The following PFKL variants were observed in gnomAD, a reference collection of about 807,000 sequenced individuals.
The protein encoded by PFKL is ATP-dependent 6-phosphofructokinase, liver type.
PFKL carries 74 observed loss-of-function variants against 92.1 expected under a neutral mutation model. The observed-to-expected ratio is 0.80, with a 90% CI of 0.67 to 0.97. The LOEUF (loss-of-function observed/expected upper bound fraction) is 0.97. PFKL is among the 50% of genes least tolerant of loss of function. The probability of loss-of-function intolerance (pLI) is 0.00; values close to 1 mark genes in which losing one functional copy is unlikely to be tolerated. For missense variants in PFKL, 1,028 were observed against 1,116.6 expected, an observed-to-expected ratio of 0.92 and a Z score of 1.13; for synonymous variants, 494 against 456.4, an observed-to-expected ratio of 1.08 and a Z score of -1.05.
In PFKL at chr21:44,323,888, C is replaced by T; in HGVS notation, c.1620C>T (p.Gly540=). 1 of 1,613,560 alleles carries T rather than the reference C, an allele frequency of 6.2e-7. No individual in the cohort carries two copies. Among genetic ancestry groups the T allele is most frequent in the South Asian group, 1.1e-5 (1 of 91,088 alleles). Residue 540 remains glycine (G), a synonymous_variant, in exon 16 of 22, where the codon GGC becomes GGT. Transcript: ENST00000349048. ...TCCCTGGCACCGACTTCAGCCTGGG[C>T]TCCGACACTGCTGTAAATGCCGCCA... ...NNVPGTDFSL[G]SDTAVNAAME...
At chr21:44,325,115 C>A (rs776790065) in intron 18 of PFKL, 38 bp from the exon 19 acceptor site, 3 of 1,442,992 alleles carry the variant, frequency 2.1e-6, no homozygotes, top group Non-Finnish European at 2.9e-6. Flanking sequence ...GAGACCTGAA[C>A]TCGTTCCCGC....
At position 44,327,343 on chromosome 21, in the gene PFKL, CCT is replaced by C; in HGVS notation, c.*482_*483del. On this transcript the variant is annotated 3_prime_UTR_variant, in exon 22 of 22. Coordinates refer to ENST00000349048, the MANE Select transcript of PFKL (RefSeq NM_002626.6). Reference sequence around the variant, plus strand: ...TCACCTTTTCTAGAAATAAAATCACCCTGACTGTGGGGTGCATCGGTCTCCGG... The same window carrying C: ...TCACCTTTTCTAGAAATAAAATCACCGACTGTGGGGTGCATCGGTCTCCGG... The C allele has an allele frequency of 5.6e-6, 1 of 178,440 alleles. No homozygotes were observed. Among genetic ancestry groups the C allele is most frequent in the Non-Finnish European group, 1.2e-5 (1 of 82,322 alleles). 11.1% of individuals were successfully genotyped at this position (178,440 alleles called of 1,614,324 possible). A position where few individuals can be genotyped will look rare whatever the true frequency, so the allele number is the denominator to read the frequency against.
At chr21:44,317,008 G>T (rs1478893951) in intron 9 of PFKL, among the ~76,000 whole-genome samples, 1 of 152,198 alleles carries the variant, frequency 6.6e-6, no homozygotes, top group Non-Finnish European at 1.5e-5. Flanking sequence ...GGCGCCTGTG[G>T]CGTCACAGTC....
At chr21:44,309,843 T>A (rs2041064001) in intron 2 of PFKL, among the ~76,000 whole-genome samples, 1 of 152,158 alleles carries the variant, frequency 6.6e-6, no homozygotes, top group African/African-American at 2.4e-5. Context: ...GGGGCACCTG[T>A]CCCCCAGCCC....
In PFKL at chr21:44,324,583, C is replaced by T. The variant is rs752845163; in HGVS notation, c.1743C>T (p.Thr581=). The T allele has an allele frequency of 4.3e-6, 7 of 1,612,844 alleles. No individual in the cohort carries two copies. In the South Asian group the frequency reaches 4.4e-5, roughly 10 times the overall value. The stretch of plus-strand genomic sequence containing the variant: ...GGGGTTACTGTGGCTACCTGGCCAC[C>T]GTGACTGGCATTGCTGTGGGGGCCG... ...TMGGYCGYLA[T]VTGIAVGADA... The change falls in exon 17 of 22, where the codon ACC becomes ACT. Residue 581 remains threonine (T), a synonymous_variant. Transcript: ENST00000349048.
intron 1 of PFKL, among the ~76,000 whole-genome samples, chr21:44,301,702 C>T (rs566210638): frequency 1.2e-3 from 182 of 152,006 alleles, no homozygotes; most frequent in African/African-American, 4.3e-3. Context: ...GGGGCCAGCC[C>T]GCCTGCCCAC....
chr21:44,325,897 T>C (rs2047492958), intron 19 of PFKL, 64 bp from the exon 20 acceptor site: 1 of 1,230,534 alleles, frequency 8.1e-7, no homozygotes, highest in Non-Finnish European at 1.2e-6. Flanking sequence ...CTGTCTGCAC[T>C]GGCGTTGGCC....
chr21:44,315,956 G>T (rs747122762), intron 7 of PFKL: 19 of 464,078 alleles, frequency 4.1e-5, no homozygotes, highest in Middle Eastern at 1.2e-3. Context: ...AGCTGTGTGT[G>T]TGCTGGGCCC....
At chr21:44,314,670 G>A (rs184969606) in intron 7 of PFKL, 111 of 153,212 alleles carry the variant, frequency 7.2e-4, no homozygotes, top group Admixed American at 3.1e-3. Context: ...TTGGGGTGGA[G>A]TTGGGGGCTC....
Position 44,324,088 on chromosome 21 carries a change from C to T in PFKL, c.1650+170C>T, listed in dbSNP as rs532198809. Reference sequence around the variant, plus strand: ...GAAGGGGCTCAGCTCCCTGCCATAGCCACTTCCAGGTCCAGGGGGGCCCTG... The same window carrying T: ...GAAGGGGCTCAGCTCCCTGCCATAGTCACTTCCAGGTCCAGGGGGGCCCTG... On this transcript the variant is annotated intron_variant, in intron 16 of 21. Transcript: ENST00000349048. Among the ~76,000 whole-genome samples, 512 of 152,228 alleles carry T rather than the reference C, an allele frequency of 3.4e-3. 4 individuals are homozygous for T. Among genetic ancestry groups the T allele is most frequent in the African/African-American group, 0.012 (492 of 41,550 alleles).
intron 11 of PFKL, 34 bp from the exon 12 acceptor site, chr21:44,320,050 G>C: frequency 6.2e-7 from 1 of 1,600,500 alleles, no homozygotes; most frequent in Non-Finnish European, 8.6e-7. Flanking sequence ...TGGCGCTGCA[G>C]GGCTGTGCAT....
intron 9 of PFKL, among the ~76,000 whole-genome samples, chr21:44,317,622 C>T (rs919547887): frequency 3.3e-5 from 5 of 152,198 alleles, no homozygotes; most frequent in African/African-American, 9.7e-5. Context: ...GACAGTTGAT[C>T]GCCCCTAGCC....
chr21:44,324,709 C>A, intron 17 of PFKL, 54 bp downstream of exon 17: 2 of 1,560,052 alleles, frequency 1.3e-6, no homozygotes, highest in Non-Finnish European at 8.7e-7. Flanking sequence ...CCAGCCTGGG[C>A]CCCAGACACT....
chr21:44,322,252 T>C (rs775257480), intron 14 of PFKL, 49 bp downstream of exon 14: 10 of 1,532,098 alleles, frequency 6.5e-6, no homozygotes, highest in African/African-American at 2.7e-5. Context: ...CAGGGCGCAG[T>C]ATCCAGGCCC....
chr21:44,305,470 T>G (rs2040908035), intron 1 of PFKL: 2 of 1,291,986 alleles, frequency 1.5e-6, no homozygotes, highest in South Asian at 1.2e-5. Flanking sequence ...CAGGGGCTTT[T>G]GAGGGGCACG....
At chr21:44,319,839 C>G (rs369375243) in intron 11 of PFKL, 1 of 520,004 alleles carries the variant, frequency 1.9e-6, no homozygotes, top group Non-Finnish European at 3.5e-6. Context: ...GCCAACCCTC[C>G]CTTGAGCTGG....
At chr21:44,301,180 G>C (rs955055412) in intron 1 of PFKL, among the ~76,000 whole-genome samples, 1 of 152,222 alleles carries the variant, frequency 6.6e-6, no homozygotes, top group Non-Finnish European at 1.5e-5. Flanking sequence ...GAAGGAAGCC[G>C]GCCTTGAGTG....
intron 7 of PFKL, 44 bp downstream of exon 7, chr21:44,314,065 C>A: frequency 1.5e-6 from 2 of 1,357,958 alleles, no homozygotes; most frequent in Non-Finnish European, 2.1e-6. Context: ...TGTCCTGGTG[C>A]ACTGGGTAGC....
In PFKL at chr21:44,306,573, T is replaced by C; in HGVS notation, c.86-108T>C. ...TTCCCCCACCACCCGCCCTCTGAGA[T>C]GGACAGGGTGTCCAGGCCTCCCCTA... On this transcript the variant is annotated intron_variant, in intron 1 of 21. Coordinates refer to ENST00000349048, the MANE Select transcript of PFKL (RefSeq NM_002626.6). 3 of 883,214 alleles carry C rather than the reference T, an allele frequency of 3.4e-6. No individual in the cohort carries two copies. The East Asian group carries it at 8.2e-5, about 24-fold the overall frequency. 54.7% of individuals were successfully genotyped at this position (883,214 alleles called of 1,614,324 possible). A position where few individuals can be genotyped will look rare whatever the true frequency, so the allele number is the denominator to read the frequency against.
Sources: allele counts gnomAD v4.1 joint callset (sites outside exome capture counted in the v4.1 genomes callset), GRCh38; gene constraint gnomAD v4.1.1; transcripts MANE v1.5; gene names NCBI Gene and HGNC (gene_info 2026-07-23, HGNC 2026-07-21).